ZNF385C: variants seen among roughly 807,000 people sequenced by gnomAD.
ZNF385C encodes zinc finger protein 385C, also known as CTD-2132N18.2.
In ZNF385C, 28 loss-of-function variants were observed where a neutral mutation model predicts 35.4. That is an observed-to-expected ratio of 0.79 (90% CI 0.59 to 1.08). ZNF385C has a LOEUF of 1.08. ZNF385C is among the 50% of genes least tolerant of loss of function. The pLI is 0.00. For missense variants in ZNF385C, 605 were observed against 595.6 expected (o/e 1.02, Z -0.16); for synonymous variants, 248 against 248.2 (o/e 1.00, Z 0.01).
At chr17:42,070,127 G>C (rs1313347526) in intron 1 of ZNF385C, among the ~76,000 whole-genome samples, 1 of 152,060 alleles carries the variant, frequency 6.6e-6, no homozygotes, top group Non-Finnish European at 1.5e-5. Flanking sequence ...GGCGGATCAT[G>C]AGGTCAGGAG....
rs1256946282 is a variant in ZNF385C at position 42,025,854 on chromosome 17, A to G, written c.*1043T>C. The G allele has an allele frequency of 6.6e-6, 1 of 152,210 alleles. No homozygotes were observed. Among genetic ancestry groups the G allele is most frequent in the Middle Eastern group, 3.1e-3 (1 of 318 alleles). The allele number at this position is 152,210 out of a possible 1,614,324, so 9.4% of individuals were successfully genotyped here. A position where few individuals can be genotyped will look rare whatever the true frequency, so the allele number is the denominator to read the frequency against. The stretch of plus-strand genomic sequence containing the variant: ...ACTGCCTCCCAACACTCAGCTTCAC[A>G]GTGGCAGGGGCTGGTTGGGAGAAGG... On this transcript the variant is annotated 3_prime_UTR_variant, in exon 9 of 9. Transcript: ENST00000692273.
intron 2 of ZNF385C, among the ~76,000 whole-genome samples, chr17:42,051,229 G>C (rs1555657096): frequency 6.6e-6 from 1 of 151,872 alleles, no homozygotes; most frequent in South Asian, 2.1e-4. Context: ...AGCCTCCTCC[G>C]GAGGAGTTGG....
At chr17:42,079,216 A>C (rs1195073651) in intron 1 of ZNF385C, among the ~76,000 whole-genome samples, 3 of 131,528 alleles carry the variant, frequency 2.3e-5, no homozygotes. Flanking sequence ...ATATATATAT[A>C]TACATATATA....
Position 42,037,698 on chromosome 17 carries a change from G to A in ZNF385C, c.399+39C>T. ...ACCCACCTTCTGTGCCCACCCACAAGCTTGTGTGCATGCCCCCACCCGCCA... is the reference window on the plus strand; with the variant it reads ...ACCCACCTTCTGTGCCCACCCACAAACTTGTGTGCATGCCCCCACCCGCCA... On this transcript the variant is annotated intron_variant, in intron 3 of 8. Coordinates refer to ENST00000692273, the MANE Select transcript of ZNF385C (RefSeq NM_001392013.1). 2.0e-6 allele frequency: 3 copies of A among 1,474,656 alleles called. No homozygotes were observed. The South Asian group carries it at 4.2e-5, about 21-fold the overall frequency. 91.3% of individuals were successfully genotyped at this position (1,474,656 alleles called of 1,614,324 possible).
At chr17:42,028,349 C>T (rs1009364386) in intron 6 of ZNF385C, 103 bp from the exon 7 acceptor site, 20 of 1,211,894 alleles carry the variant, frequency 1.7e-5, no homozygotes, top group African/African-American at 1.5e-4. Context: ...GTAAGCCTCA[C>T]GGCTGCTCTG....
chr17:42,086,589 C>G (rs2053810691), intron 1 of ZNF385C, among the ~76,000 whole-genome samples: 2 of 149,996 alleles, frequency 1.3e-5, no homozygotes, highest in South Asian at 4.2e-4. Flanking sequence ...GTCATTCCAG[C>G]TACTTGGGAG....
At chr17:42,042,663 C>A (rs895050937) in intron 2 of ZNF385C, among the ~76,000 whole-genome samples, 1 of 152,218 alleles carries the variant, frequency 6.6e-6, no homozygotes, top group Non-Finnish European at 1.5e-5. Context: ...TGTATCCCTG[C>A]AGCTGGCCCA....
intron 1 of ZNF385C, among the ~76,000 whole-genome samples, chr17:42,070,456 G>A (rs1315683920): frequency 6.6e-6 from 1 of 152,228 alleles, no homozygotes; most frequent in Non-Finnish European, 1.5e-5. Context: ...GTGGAAGGCA[G>A]TGGAGGCCAA....
Position 42,028,995 on chromosome 17 carries a change from G to A in ZNF385C, c.755C>T (p.Ser252Leu). 1 of 1,550,548 alleles carries A rather than the reference G, an allele frequency of 6.4e-7. No homozygotes were observed. The highest frequency in any genetic ancestry group is 8.7e-7 in the Non-Finnish European group (1 of 1,147,020). Residue 252 changes from serine (S) to leucine (L), a missense_variant, in exon 6 of 9, where the codon TCA becomes TTA. Transcript: ENST00000692273. ...TGAGGAGGCAGCATCCAAGAGCTCT[G>A]AGTGGGCTGGCTCCCTGCATGTAGG... ...PDPTCREPAH[S>L]ELLDAASSSS...
intron 1 of ZNF385C, among the ~76,000 whole-genome samples, chr17:42,083,440 C>T (rs902237106): frequency 6.6e-6 from 1 of 151,940 alleles, no homozygotes; most frequent in Admixed American, 6.6e-5. Context: ...ATCTCCTAAC[C>T]TCATGATCCA....
In ZNF385C at chr17:42,026,818, G is replaced by T; in HGVS notation, c.*79C>A. 7.3e-7 allele frequency: 1 copy of T among 1,374,274 alleles called. No homozygotes were observed. Among genetic ancestry groups the T allele is most frequent in the South Asian group, 1.2e-5 (1 of 80,098 alleles). 85.1% of individuals were successfully genotyped at this position (1,374,274 alleles called of 1,614,324 possible). On this transcript the variant is annotated 3_prime_UTR_variant, in exon 9 of 9. Coordinates refer to ENST00000692273, the MANE Select transcript of ZNF385C (RefSeq NM_001392013.1). The stretch of plus-strand genomic sequence containing the variant: ...AAGCTGTTCACAGTCCCTGTGGCAT[G>T]TAGGAAACCAAGGTGTCTCAGGACA...
intron 1 of ZNF385C, among the ~76,000 whole-genome samples, chr17:42,094,341 G>T (rs2053895593): frequency 6.6e-6 from 1 of 152,186 alleles, no homozygotes; most frequent in South Asian, 2.1e-4. Flanking sequence ...AGAGACTAAG[G>T]CAGAGAGTCA....
Position 42,037,885 on chromosome 17 carries a change from G to C in ZNF385C, c.251C>G (p.Ala84Gly), listed in dbSNP as rs2052901119. ...LSLGKSPSGPAGPASGAPSPL... is the reference protein window; with the variant it reads ...LSLGKSPSGPGGPASGAPSPL... The stretch of plus-strand genomic sequence containing the variant: ...GCTGGGGGCGCCGGAGGCCGGGCCT[G>C]CTGCAGGAGGAAGAAGGGCAGGGTC... Residue 84 changes from alanine to glycine, a missense_variant and splice_region_variant, in exon 3 of 9, where the codon GCA becomes GGA. By Grantham distance (60) the Ala-to-Gly change is moderately conservative (BLOSUM62 0). Transcript: ENST00000692273. 2 of 1,530,204 alleles carry C rather than the reference G, an allele frequency of 1.3e-6. No homozygotes were observed. The highest frequency in any genetic ancestry group is 1.8e-6 in the Non-Finnish European group (2 of 1,135,572). The allele number at this position is 1,530,204 out of a possible 1,614,324, so 94.8% of individuals were successfully genotyped here.
intron 1 of ZNF385C, among the ~76,000 whole-genome samples, chr17:42,086,224 T>C (rs2053806106): frequency 2.0e-5 from 3 of 150,572 alleles, no homozygotes; most frequent in South Asian, 2.1e-4. Flanking sequence ...AAACCCCGTC[T>C]CTACTTAAAA....
At chr17:42,057,185 A>G (rs28562953) in intron 2 of ZNF385C, among the ~76,000 whole-genome samples, 110,448 of 151,936 alleles carry the variant, frequency 0.73, 42,564 homozygotes, top group Non-Finnish European at 0.84. Context: ...CCCAAACCCA[A>G]CTGTGTGGCC....
intron 1 of ZNF385C, among the ~76,000 whole-genome samples, chr17:42,084,323 CAA>C (rs1267679685): frequency 2.5e-5 from 3 of 120,948 alleles, no homozygotes; most frequent in African/African-American, 2.9e-5. Context: ...GAGCTTGTCT[CAA>C]AAAAAAAAAA....
chr17:42,028,430 A>G (rs2052648404), intron 6 of ZNF385C, 184 bp from the exon 7 acceptor site: 2 of 618,272 alleles, frequency 3.2e-6, no homozygotes, highest in Non-Finnish European at 5.4e-6. Flanking sequence ...AGCCCCTCCT[A>G]TGAAAGGCCT....
In ZNF385C at chr17:42,044,971, G is replaced by A. The variant is rs188289505; in HGVS notation, c.251-7086C>T. Among the ~76,000 whole-genome samples, 302 of 148,172 alleles carry A rather than the reference G, an allele frequency of 2.0e-3. 1 individual carries two copies. The highest frequency in any genetic ancestry group is 7.1e-3 in the African/African-American group (286 of 40,266). ...CTCACTCTGTGGCCCAGGCTGGAGT[G>A]CAGTGGCGCAATCTTGGCTCACTGC... On this transcript the variant is annotated intron_variant, in intron 2 of 8. Coordinates refer to ENST00000692273, the MANE Select transcript of ZNF385C (RefSeq NM_001392013.1).
intron 1 of ZNF385C, among the ~76,000 whole-genome samples, chr17:42,069,490 A>G (rs968065442): frequency 2.0e-5 from 3 of 152,222 alleles, no homozygotes; most frequent in Non-Finnish European, 2.9e-5. Context: ...AGCCTGGGAA[A>G]GGAGTCCTCC....
Sources: gnomAD v4.1 joint callset for allele counts (sites outside exome capture counted in the v4.1 genomes callset) on GRCh38, gnomAD v4.1.1 for gene constraint, MANE v1.5 for transcripts, NCBI Gene and HGNC (gene_info 2026-07-23, HGNC 2026-07-21) for gene names.